The following LUZP1 variants were observed in gnomAD, a reference collection of about 807,000 sequenced individuals.
The protein encoded by LUZP1 is leucine zipper protein 1.
A neutral mutation model predicts 71.3 loss-of-function variants in LUZP1; 25 were observed. The ratio of observed to expected loss-of-function variants is 0.35; its 90% CI spans 0.26 to 0.49. LUZP1 has a LOEUF of 0.49. Ranked by LOEUF, LUZP1 falls within the 20% of genes least tolerant of loss-of-function variation. LUZP1 has a pLI of 0.99. For synonymous variants in LUZP1, 481 were observed against 506.4 expected, an observed-to-expected ratio of 0.95 and a Z score of 0.67; for missense variants, 1,142 against 1,300.8, an observed-to-expected ratio of 0.88 and a Z score of 1.88.
chr1:23,092,130 G>C, exon 4 of LUZP1: 1 of 1,614,154 alleles, frequency 6.2e-7, no homozygotes, highest in East Asian at 2.2e-5. Flanking sequence ...CTCCATTCCA[G>C]CATCTTTATC....
At chr1:23,173,064 G>A (rs953796458) in intron 1 of LUZP1, among the ~76,000 whole-genome samples, 5 of 150,640 alleles carry the variant, frequency 3.3e-5, no homozygotes, top group Admixed American at 6.6e-5. Flanking sequence ...CTCATGATCC[G>A]CCCACCTCAG....
At position 23,167,955 on chromosome 1, in the gene LUZP1, G is replaced by C. The variant is rs1262862961; in HGVS notation, c.-226+811C>G. Among the ~76,000 whole-genome samples, 5 of 151,540 alleles carry C rather than the reference G, an allele frequency of 3.3e-5. No homozygotes were observed. In the South Asian group the frequency reaches 6.3e-4, roughly 19 times the overall value. On this transcript the variant is annotated intron_variant, in intron 2 of 4. Transcript: ENST00000302291. Reference sequence around the variant, plus strand: ...TGCGGAAAGTTCACCGCGGCGGGCGGGGGGAGGCCCCGGCCCCGCTCGCCG... The same window carrying C: ...TGCGGAAAGTTCACCGCGGCGGGCGCGGGGAGGCCCCGGCCCCGCTCGCCG...
chr1:23,153,847 AG>A (rs1489533641), intron 2 of LUZP1, among the ~76,000 whole-genome samples: 1 of 152,130 alleles, frequency 6.6e-6, no homozygotes, highest in Non-Finnish European at 1.5e-5. Context: ...CTGAGGTAGG[AG>A]AATCATTGAG....
At chr1:23,167,019 C>A (rs1297442100) in intron 2 of LUZP1, among the ~76,000 whole-genome samples, 1 of 152,106 alleles carries the variant, frequency 6.6e-6, no homozygotes, top group Admixed American at 6.6e-5. Context: ...GGAGTAAATT[C>A]TTCTAGGAGT....
At chr1:23,164,502 AAC>A (rs1644494914) in intron 2 of LUZP1, among the ~76,000 whole-genome samples, 1 of 152,092 alleles carries the variant, frequency 6.6e-6, no homozygotes, top group Admixed American at 6.6e-5. Flanking sequence ...AAAAAAAAAA[AAC>A]ACAGTCACCA....
intron 2 of LUZP1, among the ~76,000 whole-genome samples, chr1:23,127,422 T>C (rs1272008487): frequency 6.6e-6 from 1 of 152,220 alleles, no homozygotes; most frequent in Non-Finnish European, 1.5e-5. Context: ...AAACATTTGA[T>C]ATTTACTGAA....
At chr1:23,106,951 G>A (rs574890149) in intron 3 of LUZP1, among the ~76,000 whole-genome samples, 22 of 152,314 alleles carry the variant, frequency 1.4e-4, no homozygotes, top group African/African-American at 5.1e-4. Flanking sequence ...CTCCAAAGGT[G>A]TCACATGGCT....
chr1:23,138,559 T>C (rs1171530115), intron 2 of LUZP1, among the ~76,000 whole-genome samples: 2 of 152,074 alleles, frequency 1.3e-5, no homozygotes, highest in African/African-American at 4.8e-5. Context: ...AAAAATGTTC[T>C]GAAATTAAAT....
rs534341699 is a variant in LUZP1, at chr1:23,169,562, A to G, written c.-484-538T>C. On this transcript the variant is annotated intron_variant, in intron 1 of 4. Coordinates refer to ENST00000302291, the Ensembl canonical transcript of LUZP1. ...ATTAATTCTTTGTGTGATGCTAGAC[A>G]AGTACTTTCCCATCTATGTTCCCGA... 4.6e-5 allele frequency among the ~76,000 whole-genome samples: 7 copies of G among 152,322 alleles called. No homozygotes were observed. In the East Asian group the frequency reaches 1.3e-3, roughly 29 times the overall value.
At chr1:23,173,500 C>A (rs1360136853) in intron 1 of LUZP1, among the ~76,000 whole-genome samples, 3 of 151,426 alleles carry the variant, frequency 2.0e-5, no homozygotes, top group African/African-American at 7.3e-5. Flanking sequence ...ATAACAGGTG[C>A]CTGCCAACAA....
At chr1:23,090,758 G>A in intron 4 of LUZP1, 1 of 668,902 alleles carries the variant, frequency 1.5e-6, no homozygotes, top group African/African-American at 1.8e-5. Context: ...CCGAGAACTT[G>A]CTGACCTGGC....
intron 2 of LUZP1, among the ~76,000 whole-genome samples, chr1:23,114,581 A>T (rs1644062790): frequency 6.6e-6 from 1 of 152,230 alleles, no homozygotes; most frequent in African/African-American, 2.4e-5. Context: ...CACTCCAGAT[A>T]AAAGTGGAAG....
chr1:23,097,288 A>G (rs1474146600), intron 3 of LUZP1, among the ~76,000 whole-genome samples: 1 of 152,178 alleles, frequency 6.6e-6, no homozygotes, highest in Non-Finnish European at 1.5e-5. Context: ...AATCTATAAT[A>G]ACAACTGAAC....
chr1:23,117,474 TCTC>T (rs1557653704), intron 2 of LUZP1, among the ~76,000 whole-genome samples: 164 of 29,502 alleles, frequency 5.6e-3, no homozygotes, highest in African/African-American at 0.034. Context: ...TCTCTCTCTC[TCTC>T]CCCCCCCCCC....
chr1:23,136,086 T>C (rs902661330), intron 2 of LUZP1, among the ~76,000 whole-genome samples: 2 of 152,176 alleles, frequency 1.3e-5, no homozygotes, highest in Non-Finnish European at 1.5e-5. Flanking sequence ...CTCTAATTCA[T>C]CATTTGTGTC....
At chr1:23,092,615 T>A in exon 4 of LUZP1, 1 of 1,614,168 alleles carries the variant, frequency 6.2e-7, no homozygotes, top group Non-Finnish European at 8.5e-7. Flanking sequence ...TTACTTGACT[T>A]CCGTTGCCAA....
At chr1:23,108,426 C>CAA (rs35889221) in intron 3 of LUZP1, among the ~76,000 whole-genome samples, 22,698 of 152,176 alleles carry the variant, frequency 0.15, 2,011 homozygotes, top group South Asian at 0.32. Context: ...CTGGACAATA[C>CAA]AGAGACCCAG....
intron 2 of LUZP1, among the ~76,000 whole-genome samples, chr1:23,148,403 T>C (rs1380344201): frequency 6.6e-6 from 1 of 152,334 alleles, no homozygotes; most frequent in East Asian, 1.9e-4. Context: ...AACTCAGTAC[T>C]GTTTCCTTCT....
At chr1:23,099,346 T>C (rs1643914002) in intron 3 of LUZP1, among the ~76,000 whole-genome samples, 1 of 152,188 alleles carries the variant, frequency 6.6e-6, no homozygotes, top group African/African-American at 2.4e-5. Flanking sequence ...GGAAGACAAA[T>C]GATATATGAT....
Sources: gnomAD v4.1 joint callset for allele counts (sites outside exome capture counted in the v4.1 genomes callset) on GRCh38, gnomAD v4.1.1 for gene constraint, MANE v1.5 for transcripts, NCBI Gene and HGNC (gene_info 2026-07-23, HGNC 2026-07-21) for gene names.